Variants in ARHGAP39 observed in about 807,000 individuals in gnomAD.
The protein encoded by ARHGAP39 is rho GTPase-activating protein 39.
In ARHGAP39, 44 loss-of-function variants were observed where a neutral mutation model predicts 106.9. The ratio of observed to expected loss-of-function variants is 0.41; its 90% confidence interval spans 0.32 to 0.53. The LOEUF (loss-of-function observed/expected upper bound fraction) is 0.53. ARHGAP39 is among the 20% of genes least tolerant of loss of function. ARHGAP39 has a pLI of 0.21. For synonymous variants in ARHGAP39, 768 were observed against 693.2 expected (o/e 1.11, Z -1.69); for missense variants, 1,496 against 1,577.3 (o/e 0.95, Z 0.87).
intron 1 of ARHGAP39, among the ~76,000 whole-genome samples, chr8:144,614,094 T>G (rs2130959013): frequency 6.6e-6 from 1 of 152,370 alleles, no homozygotes; most frequent in African/African-American, 2.4e-5. Context: ...CTAATTTGGA[T>G]CTTTTAAAAT....
chr8:144,617,342 G>T (rs1032264094), intron 1 of ARHGAP39, among the ~76,000 whole-genome samples: 1 of 152,140 alleles, frequency 6.6e-6, no homozygotes, highest in Non-Finnish European at 1.5e-5. Flanking sequence ...TTTGGCAGGC[G>T]GGACAAGCGG....
chr8:144,621,754 G>A (rs1030663000), intron 1 of ARHGAP39, among the ~76,000 whole-genome samples: 2 of 152,196 alleles, frequency 1.3e-5, no homozygotes, highest in African/African-American at 2.4e-5. Flanking sequence ...TGAGGTAGAG[G>A]CTGCAGTGAG....
intron 3 of ARHGAP39, among the ~76,000 whole-genome samples, chr8:144,563,818 AAAT>A (rs1350395338): frequency 6.6e-6 from 1 of 152,026 alleles, no homozygotes; most frequent in Non-Finnish European, 1.5e-5. Flanking sequence ...ATAAATAAAT[AAAT>A]AAGTGCACAA....
chr8:144,568,176 A>G (rs996680432), intron 3 of ARHGAP39, among the ~76,000 whole-genome samples: 3 of 151,936 alleles, frequency 2.0e-5, no homozygotes, highest in Non-Finnish European at 4.4e-5. Context: ...TGCCAAAAAA[A>G]TACAAAAATT....
chr8:144,547,447 G>A lies in ARHGAP39; in HGVS notation c.1639C>T (p.Arg547Trp). Residue 547 changes from arginine (R) to tryptophan (W), a missense_variant, in exon 5 of 12, where the codon CGG becomes TGG. By Grantham distance (101) the Arg-to-Trp change is moderately radical. This residue lies in a region of ARHGAP39 where 905 missense variants were observed against 816.4 expected (regional missense o/e 1.11). Transcript: ENST00000377307. This position sits in a 1 kb window ranked among gnomAD's most constrained non-coding sequence, Gnocchi z 5.2. ...KRAEGEAEGARGAAEPFLAQA... is the reference protein window; with the variant it reads ...KRAEGEAEGAWGAAEPFLAQA... ...GCCAGGAAGGGCTCGGCCGCGCCCC[G>A]CGCCCCTTCGGCCTCACCTTCCGCT... The A allele has an allele frequency of 6.4e-7, 1 of 1,569,556 alleles. No homozygotes were observed. The highest frequency in any genetic ancestry group is 8.6e-7 in the Non-Finnish European group (1 of 1,164,722).
chr8:144,700,042 T>C, the ARHGAP39 span, among the ~76,000 whole-genome samples: 1 of 152,174 alleles, frequency 6.6e-6, no homozygotes, highest in African/African-American at 2.4e-5. This position sits in a 1 kb window ranked among gnomAD's most constrained non-coding sequence, Gnocchi z 5.6. Context: ...CCCGGCCATT[T>C]CCCGAGGGTC....
At chr8:144,637,738 T>C (rs999491327) in intron 1 of ARHGAP39, among the ~76,000 whole-genome samples, 5 of 152,172 alleles carry the variant, frequency 3.3e-5, no homozygotes, top group African/African-American at 4.8e-5. Flanking sequence ...TCTTGCTCGG[T>C]TGCCCAGGCT....
intron 3 of ARHGAP39, among the ~76,000 whole-genome samples, chr8:144,571,563 C>T (rs544769464): frequency 1.3e-5 from 2 of 152,240 alleles, no homozygotes; most frequent in African/African-American, 4.8e-5. Context: ...GGAAGCATTC[C>T]CTTTGAAAAC....
intron 2 of ARHGAP39, among the ~76,000 whole-genome samples, chr8:144,587,715 C>T (rs112786074): frequency 0.03 from 4,452 of 148,280 alleles, 209 homozygotes; most frequent in African/African-American, 0.1. Flanking sequence ...AGTGCGGTGG[C>T]GCGATCTCGG....
intron 1 of ARHGAP39, among the ~76,000 whole-genome samples, chr8:144,676,106 A>G (rs1822230897): frequency 6.6e-6 from 1 of 152,198 alleles, no homozygotes; most frequent in Admixed American, 6.5e-5. Context: ...TAGTGCGAAG[A>G]GCAAAAGAAC....
chr8:144,581,493 C>T (rs889609353), intron 2 of ARHGAP39, among the ~76,000 whole-genome samples: 2 of 152,264 alleles, frequency 1.3e-5, no homozygotes, highest in African/African-American at 2.4e-5. Flanking sequence ...GGTGGTGCAG[C>T]CCTTTGGGGG....
the ARHGAP39 span, among the ~76,000 whole-genome samples, chr8:144,696,766 C>T: frequency 2.6e-5 from 4 of 152,242 alleles, no homozygotes; most frequent in African/African-American, 9.6e-5. Context: ...CATCCATCTC[C>T]AGAACTCTTT....
At chr8:144,692,733 G>A in the ARHGAP39 span, among the ~76,000 whole-genome samples, 1 of 143,460 alleles carries the variant, frequency 7.0e-6, no homozygotes, top group East Asian at 2.1e-4. Flanking sequence ...AGAAGAAAAT[G>A]TGTATTGTAA....
chr8:144,532,237 G>A (rs574195740), intron 10 of ARHGAP39, 68 bp downstream of exon 10: 1 of 1,447,830 alleles, frequency 6.9e-7, no homozygotes, highest in East Asian at 2.3e-5. Flanking sequence ...CAGAGGCGGA[G>A]ACAGGGGCCC....
chr8:144,591,884 CGGGGAGTGCTGCCTGT>C lies in ARHGAP39; in HGVS notation c.81-10623_81-10608del, dbSNP rs1298838102. Among the ~76,000 whole-genome samples the C allele has an allele frequency of 6.6e-6, 1 of 152,030 alleles. No homozygotes were observed. Among genetic ancestry groups the C allele is most frequent in the Non-Finnish European group, 1.5e-5 (1 of 67,968 alleles). On this transcript the variant is annotated intron_variant, in intron 2 of 11. Coordinates refer to ENST00000377307, the MANE Select transcript of ARHGAP39 (RefSeq NM_025251.3). This position sits in a 1 kb window ranked among gnomAD's most constrained non-coding sequence, Gnocchi z 5.3. ...GCGTCGCCTCGTCGCCTCGTGCCTG[CGGGGAGTGCTGCCTGT>C]GGGGAGTGGTGCCTGTGGGGAGTGG...
At chr8:144,576,355 AAAG>A (rs1818777135) in intron 3 of ARHGAP39, among the ~76,000 whole-genome samples, 5 of 150,370 alleles carry the variant, frequency 3.3e-5, no homozygotes, top group Admixed American at 3.3e-4. Context: ...AAAAAAAAAA[AAAG>A]AACGAAAAAA....
chr8:144,581,296 A>ATT lies in ARHGAP39; in HGVS notation c.81-20_81-19insAA, dbSNP rs2130901023. The ATT allele has an allele frequency of 1.3e-6, 2 of 1,525,906 alleles. No individual in the cohort carries two copies. The highest frequency in any genetic ancestry group is 2.5e-5 in the South Asian group (2 of 80,728). The allele number at this position is 1,525,906 out of a possible 1,614,324, so 94.5% of individuals were successfully genotyped here. On this transcript the variant is annotated intron_variant, in intron 2 of 11. Transcript: ENST00000377307. The stretch of plus-strand genomic sequence containing the variant: ...CTCCAACCTGGGGAGAGACAGGGTT[A>ATT]AGGCGGCTGGAGCCACGGCGGCCTG...
In ARHGAP39 at chr8:144,590,750, A is replaced by AC. The variant is rs151004783; in HGVS notation, c.81-9474dup. ...CTTTGTCAGCTCCAGAGACACCCCT[A>AC]CCCCCCCACAACCCAACCTGCTGCC... is the stretch of plus-strand genomic sequence containing the variant. On this transcript the variant is annotated intron_variant, in intron 2 of 11. Transcript: ENST00000377307. 3.2e-4 allele frequency among the ~76,000 whole-genome samples: 48 copies of AC among 151,546 alleles called. 1 individual carries two copies. The South Asian group carries it at 5.9e-3, about 19-fold the overall frequency.
chr8:144,534,770 A>T (rs1231741892), intron 7 of ARHGAP39, among the ~76,000 whole-genome samples: 1 of 152,222 alleles, frequency 6.6e-6, no homozygotes, highest in African/African-American at 2.4e-5. Flanking sequence ...GAGAGGGCCC[A>T]GTCTCCTTTC....
Sources: allele counts gnomAD v4.1 joint callset (sites outside exome capture counted in the v4.1 genomes callset), GRCh38; gene constraint gnomAD v4.1.1; regional missense constraint gnomAD v4.1.1; non-coding constraint Gnocchi (gnomAD v3.1); transcripts MANE v1.5; gene names NCBI Gene and HGNC (gene_info 2026-07-23, HGNC 2026-07-21).